The following PER2 variants were observed in gnomAD, a reference collection of about 807,000 sequenced individuals.
PER2 encodes period circadian regulator 2.
Under a neutral mutation model 121.0 loss-of-function variants are expected in PER2, and 66 were observed. The ratio of observed to expected loss-of-function variants is 0.55; its 90% confidence interval spans 0.45 to 0.67. The LOEUF (loss-of-function observed/expected upper bound fraction) is 0.67. Ranked by LOEUF, PER2 falls within the 30% of genes least tolerant of loss-of-function variation. The probability of loss-of-function intolerance (pLI) is 0.00; values close to 1 mark genes in which losing one functional copy is unlikely to be tolerated. For missense variants in PER2, 1,521 were observed against 1,635.0 expected (o/e 0.93, Z 1.20); for synonymous variants, 684 against 659.9 (o/e 1.04, Z -0.56).
intron 13 of PER2, among the ~76,000 whole-genome samples, chr2:238,260,556 C>G (rs1010086812): frequency 6.6e-6 from 1 of 152,210 alleles, no homozygotes; most frequent in Non-Finnish European, 1.5e-5. Flanking sequence ...GCACCCAGCC[C>G]ACATTTTCTT....
chr2:238,263,776 T>G (rs1696012707), intron 9 of PER2, among the ~76,000 whole-genome samples: 1 of 152,194 alleles, frequency 6.6e-6, no homozygotes, highest in Non-Finnish European at 1.5e-5. Context: ...CTGTGAATCT[T>G]TAGACCATGG....
rs1696193758 is a variant in PER2 at position 238,268,824 on chromosome 2, T to G, written c.824+99A>C. 2.3e-6 allele frequency: 2 copies of G among 869,796 alleles called. No individual in the cohort carries two copies. The allele number at this position is 869,796 out of a possible 1,614,324, so 53.9% of individuals were successfully genotyped here. A position where few individuals can be genotyped will look rare whatever the true frequency, so the allele number is the denominator to read the frequency against. ...TTCAGAAACAGGCGTGCTGAGTCCC[T>G]GCAGGCAGGGATCACGCCCCCCAGC... On this transcript the variant is annotated intron_variant, in intron 7 of 22. Coordinates refer to ENST00000254657, the MANE Select transcript of PER2 (RefSeq NM_022817.3). The surrounding 1 kb of genome is among the most constrained non-coding windows in gnomAD (Gnocchi z 4.0).
At chr2:238,298,011 C>T in the PER2 span, among the ~76,000 whole-genome samples, 1 of 151,100 alleles carries the variant, frequency 6.6e-6, no homozygotes. Flanking sequence ...GGGATTGTGC[C>T]TCCCAATAAA....
At chr2:238,256,767 T>C (rs1408784711) in intron 17 of PER2, among the ~76,000 whole-genome samples, 155 bp downstream of exon 17, 1 of 152,250 alleles carries the variant, frequency 6.6e-6, no homozygotes, top group Non-Finnish European at 1.5e-5. Flanking sequence ...CTGGCCGCAC[T>C]CCACCCTGCA....
At chr2:238,250,296 CTG>C (rs1326778314) in intron 21 of PER2, among the ~76,000 whole-genome samples, 1 of 152,274 alleles carries the variant, frequency 6.6e-6, no homozygotes, top group Admixed American at 6.5e-5. Context: ...CACCAGGAGC[CTG>C]TCTTCCTCGA....
chr2:238,266,090 AGGTG>A (rs1696091795), intron 8 of PER2, among the ~76,000 whole-genome samples: 2 of 150,304 alleles, frequency 1.3e-5, no homozygotes, highest in South Asian at 4.2e-4. Context: ...TTTTTAGTTG[AGGTG>A]GGGTTTCACC....
chr2:238,261,478 C>T (rs184035283), intron 12 of PER2: 9 of 558,052 alleles, frequency 1.6e-5, no homozygotes, highest in African/African-American at 7.5e-5. Flanking sequence ...GGTCTGCACA[C>T]GTCCTTCAGC....
upstream of PER2, among the ~76,000 whole-genome samples, chr2:238,293,352 ACTTCT>A (rs771687421): frequency 1.7e-4 from 26 of 152,176 alleles, no homozygotes; most frequent in Admixed American, 5.9e-4. Context: ...TACCCAACTG[ACTTCT>A]CTTATTATCA....
intron 17 of PER2, among the ~76,000 whole-genome samples, 192 bp downstream of exon 17, chr2:238,256,730 C>T (rs1342553178): frequency 4.6e-5 from 7 of 152,248 alleles, no homozygotes; most frequent in African/African-American, 1.7e-4. Context: ...CAGCAGAGAC[C>T]TGGACAGGTT....
rs554291921 is a variant in PER2 at position 238,277,676 on chromosome 2, C to G, written c.230+31G>C. The G allele has an allele frequency of 9.7e-5, 157 of 1,613,108 alleles. 4 individuals are homozygous for G. The South Asian group carries it at 1.7e-3, about 17-fold the overall frequency. On this transcript the variant is annotated intron_variant, in intron 2 of 22. Coordinates refer to ENST00000254657, the MANE Select transcript of PER2 (RefSeq NM_022817.3). ...TGAGCCACTGAGAAAACAACCTGCCCAGCCTCCATCTGGCCAGAGGCTGAA... is the reference window on the plus strand; with the variant it reads ...TGAGCCACTGAGAAAACAACCTGCCGAGCCTCCATCTGGCCAGAGGCTGAA...
chr2:238,296,010 CAG>C, the PER2 span, among the ~76,000 whole-genome samples: 2 of 151,860 alleles, frequency 1.3e-5, no homozygotes, highest in East Asian at 3.9e-4. Context: ...CCTCCTGCTG[CAG>C]AGTCAGTCGT....
At chr2:238,296,051 T>C in the PER2 span, among the ~76,000 whole-genome samples, 2 of 142,214 alleles carry the variant, frequency 1.4e-5, no homozygotes, top group Non-Finnish European at 3.1e-5. Flanking sequence ...GTCAGTCGTG[T>C]GCCCTCCTGC....
chr2:238,278,117 C>T (rs537088152), intron 1 of PER2, among the ~76,000 whole-genome samples, 162 bp from the exon 2 acceptor site: 98 of 151,594 alleles, frequency 6.5e-4, no homozygotes, highest in African/African-American at 2.1e-3. Flanking sequence ...TTTCTTTCTA[C>T]TTTGGAGACA....
the PER2 span, among the ~76,000 whole-genome samples, chr2:238,297,944 A>G: frequency 6.6e-6 from 1 of 152,028 alleles, no homozygotes; most frequent in Non-Finnish European, 1.5e-5. Context: ...AGCAGCAGCC[A>G]GCATGGGGAT....
intron 12 of PER2, 59 bp from the exon 13 acceptor site, chr2:238,261,012 GCCCCCTGC>G: frequency 6.3e-7 from 1 of 1,585,084 alleles, no homozygotes; most frequent in Non-Finnish European, 8.6e-7. Flanking sequence ...TATGCATGTG[GCCCCCTGC>G]CAACACACCC....
At chr2:238,277,047 C>T (rs964052331) in intron 3 of PER2, 84 bp downstream of exon 3, 65 of 1,048,710 alleles carry the variant, frequency 6.2e-5, no homozygotes, top group African/African-American at 1.1e-4. Flanking sequence ...AAAAAAGCCA[C>T]GTCACTCCCA....
At chr2:238,284,705 C>G (rs756530898) in intron 1 of PER2, among the ~76,000 whole-genome samples, 1 of 152,210 alleles carries the variant, frequency 6.6e-6, no homozygotes, top group Non-Finnish European at 1.5e-5. Flanking sequence ...CCCCTGTAAG[C>G]CTGTCTAAAT....
chr2:238,297,843 G>T, the PER2 span, among the ~76,000 whole-genome samples: 1 of 152,076 alleles, frequency 6.6e-6, no homozygotes. Context: ...AAAATCCAAG[G>T]CATGGTTTCC....
rs762912597 is a variant in PER2 at position 238,263,076 on chromosome 2, A to G, written c.1047-18T>C. ...GGACCGCCCTGGAAGGCAAGCAGAC[A>G]CACGCTAGGATTGGCATCCAAACAG... On this transcript the variant is annotated intron_variant, in intron 9 of 22. Transcript: ENST00000254657. 1.4e-6 allele frequency: 2 copies of G among 1,431,630 alleles called. No individual in the cohort carries two copies. Among genetic ancestry groups the G allele is most frequent in the East Asian group, 2.3e-5 (1 of 44,074 alleles). 88.7% of individuals were successfully genotyped at this position (1,431,630 alleles called of 1,614,324 possible).
Sources: gnomAD v4.1 joint callset for allele counts (sites outside exome capture counted in the v4.1 genomes callset) on GRCh38, gnomAD v4.1.1 for gene constraint, Gnocchi (gnomAD v3.1) non-coding constraint, MANE v1.5 for transcripts, NCBI Gene and HGNC (gene_info 2026-07-23, HGNC 2026-07-21) for gene names.